Variants in DAPK2 observed in about 807,000 individuals in gnomAD.
The protein encoded by DAPK2 is death-associated protein kinase 2.
Under a neutral mutation model 44.1 loss-of-function variants are expected in DAPK2, and 35 were observed. The observed-to-expected ratio is 0.79, with a 90% confidence interval of 0.61 to 1.05. The LOEUF is 1.05. Among genes scored for constraint, DAPK2 ranks in the 50% least tolerant of loss-of-function variants. The pLI, the probability that DAPK2 is intolerant of heterozygous loss-of-function variation, is 0.00. For synonymous variants in DAPK2, 174 were observed against 182.6 expected, an observed-to-expected ratio of 0.95 and a Z score of 0.38; for missense variants, 453 against 483.2, an observed-to-expected ratio of 0.94 and a Z score of 0.59.
exon 7 of DAPK2, chr15:63,925,988 G>C: frequency 4.3e-6 from 7 of 1,614,172 alleles, no homozygotes; most frequent in Non-Finnish European, 5.1e-6. Flanking sequence ...TGGCCAGCTC[G>C]CTCGTCTGGC....
At chr15:64,037,955 C>T (rs1473788323) in intron 1 of DAPK2, among the ~76,000 whole-genome samples, 1 of 152,172 alleles carries the variant, frequency 6.6e-6, no homozygotes, top group Non-Finnish European at 1.5e-5. Context: ...CACCCCAAGA[C>T]ACCCCAGGCT....
At chr15:63,922,516 C>T in intron 8 of DAPK2, 3 of 1,346,318 alleles carry the variant, frequency 2.2e-6, no homozygotes, top group South Asian at 3.8e-5. Context: ...AGCTTGGCTG[C>T]CCTGCCAGAG....
intron 4 of DAPK2, among the ~76,000 whole-genome samples, chr15:63,936,968 A>G (rs2077174258): frequency 8.1e-6 from 1 of 123,130 alleles, no homozygotes; most frequent in South Asian, 3.0e-4. Context: ...TGACAGAGTG[A>G]GACCCTGTCT....
chr15:63,977,974 C>T (rs996630289), intron 2 of DAPK2, among the ~76,000 whole-genome samples: 1 of 152,242 alleles, frequency 6.6e-6, no homozygotes, highest in Non-Finnish European at 1.5e-5. Context: ...GATATCCCTG[C>T]TCTGCTGCAT....
At chr15:63,984,931 TAAC>T (rs371402400) in intron 1 of DAPK2, among the ~76,000 whole-genome samples, 1 of 152,210 alleles carries the variant, frequency 6.6e-6, no homozygotes, top group East Asian at 1.9e-4. Flanking sequence ...GGAGTGGCAA[TAAC>T]AACAACAAAG....
chr15:64,002,978 G>A (rs2079134451), intron 1 of DAPK2, among the ~76,000 whole-genome samples: 1 of 61,410 alleles, frequency 1.6e-5, no homozygotes, highest in Non-Finnish European at 5.2e-5. Flanking sequence ...TGGGACCTGT[G>A]TGTGTGTGTG....
At chr15:63,960,337 T>G (rs2077857385) in intron 3 of DAPK2, among the ~76,000 whole-genome samples, 1 of 152,214 alleles carries the variant, frequency 6.6e-6, no homozygotes, top group Non-Finnish European at 1.5e-5. Flanking sequence ...GGGTTTTTTG[T>G]GTCTCTATCT....
At chr15:64,006,581 C>T (rs1461450373) in intron 1 of DAPK2, among the ~76,000 whole-genome samples, 1 of 152,130 alleles carries the variant, frequency 6.6e-6, no homozygotes, top group Non-Finnish European at 1.5e-5. Context: ...CCCCAGTATA[C>T]AATAAAACTT....
At chr15:63,945,114 C>T in intron 3 of DAPK2, among the ~76,000 whole-genome samples, 1 of 152,206 alleles carries the variant, frequency 6.6e-6, no homozygotes, top group Non-Finnish European at 1.5e-5. Flanking sequence ...ATCCTCCCCG[C>T]TCAGCCTCCT....
chr15:63,947,742 T>C (rs11856257), intron 3 of DAPK2, among the ~76,000 whole-genome samples: 46,104 of 152,144 alleles, frequency 0.3, 7,677 homozygotes, highest in Non-Finnish European at 0.36. Flanking sequence ...ATGTCTCTCC[T>C]TCCCAGAATG....
intron 1 of DAPK2, among the ~76,000 whole-genome samples, chr15:63,985,494 G>A (rs1378129697): frequency 1.3e-5 from 2 of 152,188 alleles, no homozygotes; most frequent in African/African-American, 2.4e-5. Flanking sequence ...GCAGCCACAC[G>A]CCTCTCCTCT....
rs182046800 is a variant in DAPK2 at position 64,030,955 on chromosome 15, A to G, written c.92+9215T>C. Among the ~76,000 whole-genome samples the G allele has an allele frequency of 2.7e-3, 393 of 148,148 alleles. 1 individual carries two copies. The highest frequency in any genetic ancestry group is 9.3e-3 in the African/African-American group (372 of 39,800). On this transcript the variant is annotated intron_variant, in intron 1 of 10. Transcript: ENST00000261891. ...GCATTCCAGCCTGGGCAACAGAGCA[A>G]GACCCTGTCTCAAAATACACACATA...
rs2078790909 is a variant in DAPK2 at position 63,990,532 on chromosome 15, A to G, written c.93-6778T>C. ...TTGAGTGATGTACCCCTAAGTCACC[A>G]GTCTATCAAGGTGGAAATGAGGTAG... On this transcript the variant is annotated intron_variant, in intron 1 of 10. Transcript: ENST00000261891. The surrounding 1 kb of genome is among the most constrained non-coding windows in gnomAD (Gnocchi z 4.3). Among the ~76,000 whole-genome samples, 1 of 152,164 alleles carries G rather than the reference A, an allele frequency of 6.6e-6. No homozygotes were observed. Among genetic ancestry groups the G allele is most frequent in the Non-Finnish European group, 1.5e-5 (1 of 68,022 alleles).
intron 1 of DAPK2, among the ~76,000 whole-genome samples, chr15:63,988,749 G>T (rs936419290): frequency 6.6e-6 from 1 of 151,684 alleles, no homozygotes; most frequent in Non-Finnish European, 1.5e-5. Context: ...CAAGTGATCT[G>T]CCTGCCTCAG....
At chr15:63,926,222 C>G (rs565576083) in intron 6 of DAPK2, 129 bp from the exon 8 acceptor site, 46 of 1,035,548 alleles carry the variant, frequency 4.4e-5, no homozygotes, top group South Asian at 2.9e-4. Context: ...CAGCCTGCCC[C>G]CTCTGGGCAG....
At chr15:64,037,303 C>T (rs1013064724) in intron 1 of DAPK2, among the ~76,000 whole-genome samples, 5 of 152,222 alleles carry the variant, frequency 3.3e-5, no homozygotes. Context: ...CACTTCAGGG[C>T]TCATCCATGC....
intron 1 of DAPK2, among the ~76,000 whole-genome samples, chr15:63,997,621 A>G (rs1166687914): frequency 6.6e-6 from 1 of 152,170 alleles, no homozygotes; most frequent in Non-Finnish European, 1.5e-5. Flanking sequence ...GTGAGCCACC[A>G]TGCCCGGCCT....
At chr15:63,985,885 C>T (rs1030709403) in intron 1 of DAPK2, among the ~76,000 whole-genome samples, 3 of 152,198 alleles carry the variant, frequency 2.0e-5, no homozygotes, top group African/African-American at 4.8e-5. Flanking sequence ...TGAGTGTTTG[C>T]TTTTCCTGCC....
chr15:63,978,448 G>A (rs2078414933), intron 2 of DAPK2, among the ~76,000 whole-genome samples: 1 of 152,336 alleles, frequency 6.6e-6, no homozygotes, highest in Non-Finnish European at 1.5e-5. Context: ...ACTTTGGGGT[G>A]CAGTAATCAG....
Sources: allele counts gnomAD v4.1 joint callset (sites outside exome capture counted in the v4.1 genomes callset), GRCh38; gene constraint gnomAD v4.1.1; non-coding constraint Gnocchi (gnomAD v3.1); transcripts MANE v1.5; gene names NCBI Gene and HGNC (gene_info 2026-07-23, HGNC 2026-07-21).